ATP8A1: variants seen among roughly 807,000 people sequenced by gnomAD.
The protein encoded by ATP8A1 is phospholipid-transporting ATPase IA.
ATP8A1 carries 90 observed loss-of-function variants against 177.7 expected under a neutral mutation model. That is an observed-to-expected ratio of 0.51 (90% CI 0.43 to 0.60). ATP8A1 has a LOEUF of 0.60. Ranked by LOEUF, ATP8A1 falls within the 20% of genes least tolerant of loss-of-function variation. The pLI, the probability that ATP8A1 is intolerant of heterozygous loss-of-function variation, is 0.00. For synonymous variants in ATP8A1, 493 were observed against 485.9 expected (o/e 1.01, Z -0.19); for missense variants, 1,072 against 1,392.8 (o/e 0.77, Z 3.67).
chr4:42,461,244 C>CTTTTTTTTTTTTTT (rs777847439), intron 27 of ATP8A1, among the ~76,000 whole-genome samples: 25 of 84,496 alleles, frequency 3.0e-4, no homozygotes, highest in East Asian at 5.3e-4. Context: ...TCAATTTTTT[C>CTTTTTTTTTTTTTT]TTTCTTTTTT....
chr4:42,628,224 C>T (rs1025543824), intron 1 of ATP8A1, among the ~76,000 whole-genome samples: 1 of 152,152 alleles, frequency 6.6e-6, no homozygotes, highest in Non-Finnish European at 1.5e-5. Flanking sequence ...GATGAAAAAA[C>T]AACTGTTGGC....
At chr4:42,559,305 A>T (rs4550967) in intron 15 of ATP8A1, among the ~76,000 whole-genome samples, 1 of 152,124 alleles carries the variant, frequency 6.6e-6, no homozygotes, top group Non-Finnish European at 1.5e-5. Context: ...AATTACCAGA[A>T]ATCAATTTAC....
intron 5 of ATP8A1, among the ~76,000 whole-genome samples, chr4:42,611,877 A>G (rs1180941775): frequency 2.0e-5 from 3 of 152,260 alleles, no homozygotes; most frequent in Non-Finnish European, 2.9e-5. Context: ...ACAATGAGAG[A>G]TGGCCTCTTG....
chr4:42,644,438 A>T (rs1030949730), intron 1 of ATP8A1, among the ~76,000 whole-genome samples: 4 of 152,212 alleles, frequency 2.6e-5, no homozygotes, highest in African/African-American at 9.7e-5. Flanking sequence ...GAACTTTCCA[A>T]CCTCTACAAG....
intron 24 of ATP8A1, among the ~76,000 whole-genome samples, chr4:42,501,201 A>C (rs1437193811): frequency 6.6e-6 from 1 of 152,238 alleles, no homozygotes; most frequent in Non-Finnish European, 1.5e-5. Context: ...AGATGAGGAA[A>C]TAGTATTTTC....
intron 14 of ATP8A1, among the ~76,000 whole-genome samples, chr4:42,570,629 C>T (rs1002642481): frequency 1.5e-4 from 23 of 152,352 alleles, no homozygotes; most frequent in African/African-American, 5.3e-4. Flanking sequence ...ATGCTGAGCA[C>T]TACCTAGAGC....
At position 42,412,473 on chromosome 4, in the gene ATP8A1, G is replaced by A. The variant is rs1712730183; in HGVS notation, c.*443C>T. 1 of 152,524 alleles carries A rather than the reference G, an allele frequency of 6.6e-6. No individual in the cohort carries two copies. Among genetic ancestry groups the A allele is most frequent in the South Asian group, 2.1e-4 (1 of 4,836 alleles). 9.4% of individuals were successfully genotyped at this position (152,524 alleles called of 1,614,324 possible). A position where few individuals can be genotyped will look rare whatever the true frequency, so the allele number is the denominator to read the frequency against. ...GTGAGTCAGTTCCTTAAGAATGCTG[G>A]TTTGTTTCAGCATATCCTGAAATCT... On this transcript the variant is annotated 3_prime_UTR_variant, in exon 37 of 37. Coordinates refer to ENST00000381668, the MANE Select transcript of ATP8A1 (RefSeq NM_006095.2).
intron 25 of ATP8A1, among the ~76,000 whole-genome samples, chr4:42,467,100 C>A (rs933330850): frequency 6.6e-6 from 1 of 152,196 alleles, no homozygotes; most frequent in African/African-American, 2.4e-5. Context: ...GCAAGGTGAG[C>A]TGACATTAGT....
At chr4:42,584,909 T>C (rs937289952) in intron 9 of ATP8A1, among the ~76,000 whole-genome samples, 12 of 152,152 alleles carry the variant, frequency 7.9e-5, no homozygotes, top group Non-Finnish European at 1.6e-4. Flanking sequence ...TCACTCAGAG[T>C]AACATCCTCA....
At chr4:42,494,623 CAT>C (rs1723083066) in intron 24 of ATP8A1, among the ~76,000 whole-genome samples, 6 of 152,186 alleles carry the variant, frequency 3.9e-5, no homozygotes, top group Admixed American at 3.9e-4. Flanking sequence ...TATCTAGTCT[CAT>C]GTGACATATA....
At chr4:42,536,817 A>T (rs1350585835) in intron 20 of ATP8A1, among the ~76,000 whole-genome samples, 1 of 152,184 alleles carries the variant, frequency 6.6e-6, no homozygotes, top group African/African-American at 2.4e-5. Flanking sequence ...GTGACACACC[A>T]CATAAACAGA....
chr4:42,621,135 G>A (rs991687149), intron 4 of ATP8A1, among the ~76,000 whole-genome samples: 9 of 152,236 alleles, frequency 5.9e-5, no homozygotes, highest in Admixed American at 2.0e-4. Context: ...AGTCTATGTG[G>A]AGCAATGCAG....
Position 42,617,383 on chromosome 4 carries a change from A to G in ATP8A1, c.364-1305T>C, listed in dbSNP as rs868146153. ...TTCAGTATAAAATACTCACTAATAAAAGTGTATTAATGTAGACTTTCAATA... is the reference window on the plus strand; with the variant it reads ...TTCAGTATAAAATACTCACTAATAAGAGTGTATTAATGTAGACTTTCAATA... On this transcript the variant is annotated intron_variant, in intron 4 of 36. Transcript: ENST00000381668. Among the ~76,000 whole-genome samples, 85 of 152,316 alleles carry G rather than the reference A, an allele frequency of 5.6e-4. No homozygotes were observed. In the Middle Eastern group the frequency reaches 0.017, roughly 30 times the overall value.
At chr4:42,521,782 T>C (rs1426489282) in intron 22 of ATP8A1, among the ~76,000 whole-genome samples, 1 of 152,226 alleles carries the variant, frequency 6.6e-6, no homozygotes, top group African/African-American at 2.4e-5. Flanking sequence ...TATTTTATAT[T>C]GCATTGCATA....
chr4:42,420,847 C>A lies in ATP8A1; in HGVS notation c.3305+1960G>T, dbSNP rs1375784584. Among the ~76,000 whole-genome samples the A allele has an allele frequency of 6.0e-5, 9 of 150,856 alleles. 1 individual carries two copies. The highest frequency in any genetic ancestry group is 2.2e-4 in the African/African-American group (9 of 41,038). On this transcript the variant is annotated intron_variant, in intron 35 of 36. Coordinates refer to ENST00000381668, the MANE Select transcript of ATP8A1 (RefSeq NM_006095.2). Reference sequence around the variant, plus strand: ...GCAGTGGCATGATCTCTGCTCACTGCAAGCTCTGCCTCCAGGATTCACGCC... The same window carrying A: ...GCAGTGGCATGATCTCTGCTCACTGAAAGCTCTGCCTCCAGGATTCACGCC...
chr4:42,516,084 T>C (rs1725508643), intron 22 of ATP8A1, among the ~76,000 whole-genome samples: 1 of 152,236 alleles, frequency 6.6e-6, no homozygotes, highest in Admixed American at 6.5e-5. Flanking sequence ...ATTAATTATT[T>C]AAATGAATAA....
At chr4:42,418,497 T>G (rs944707343) in intron 35 of ATP8A1, among the ~76,000 whole-genome samples, 3 of 152,212 alleles carry the variant, frequency 2.0e-5, no homozygotes, top group African/African-American at 7.2e-5. Context: ...GGACTAAGAT[T>G]TGGGTTATTT....
chr4:42,542,829 C>A (rs566838705), intron 20 of ATP8A1, among the ~76,000 whole-genome samples: 200 of 152,128 alleles, frequency 1.3e-3, no homozygotes, highest in Non-Finnish European at 2.4e-3. Context: ...CTCTTTATTC[C>A]CTTATCACTG....
chr4:42,428,513 C>T (rs1714888867), intron 33 of ATP8A1, among the ~76,000 whole-genome samples: 1 of 152,246 alleles, frequency 6.6e-6, no homozygotes, highest in African/African-American at 2.4e-5. Flanking sequence ...TTATCCATCT[C>T]TGGCCAACTT....
Sources: allele counts gnomAD v4.1 joint callset (sites outside exome capture counted in the v4.1 genomes callset), GRCh38; gene constraint gnomAD v4.1.1; transcripts MANE v1.5; gene names NCBI Gene and HGNC (gene_info 2026-07-23, HGNC 2026-07-21).